The following ADK variants were observed in gnomAD, a reference collection of about 807,000 sequenced individuals.
ADK encodes N6,N6-dimethyladenosine kinase.
In ADK, 24 loss-of-function variants were observed where a neutral mutation model predicts 44.7. The ratio of observed to expected loss-of-function variants is 0.54; its 90% CI spans 0.39 to 0.76. ADK has a LOEUF of 0.76. Among genes scored for constraint, ADK ranks in the 30% least tolerant of loss-of-function variants. The pLI, the probability that ADK is intolerant of heterozygous loss-of-function variation, is 0.00. For synonymous variants in ADK, 128 were observed against 142.6 expected, an observed-to-expected ratio of 0.90 and a Z score of 0.73; for missense variants, 321 against 425.1, an observed-to-expected ratio of 0.76 and a Z score of 2.15.
intron 9 of ADK, among the ~76,000 whole-genome samples, chr10:74,610,858 A>C (rs1299052478): frequency 1.3e-5 from 2 of 152,106 alleles, no homozygotes; most frequent in African/African-American, 4.8e-5. Flanking sequence ...AAGTAAATAT[A>C]TATATGTATG....
chr10:74,240,029 C>G (rs1845141949), intron 3 of ADK, among the ~76,000 whole-genome samples: 1 of 145,540 alleles, frequency 6.9e-6, no homozygotes, highest in Non-Finnish European at 1.5e-5. Flanking sequence ...TTTTTTTTTC[C>G]TCTAAGACAG....
chr10:74,708,159 A>C (rs940131723), intron 10 of ADK, among the ~76,000 whole-genome samples, 162 bp from the exon 11 acceptor site: 2 of 150,874 alleles, frequency 1.3e-5, no homozygotes, highest in Non-Finnish European at 3.0e-5. Context: ...CGGGGAAAAA[A>C]AAAAAAAAAA....
intron 4 of ADK, among the ~76,000 whole-genome samples, chr10:74,387,006 G>T (rs942742866): frequency 3.3e-5 from 5 of 150,654 alleles, no homozygotes; most frequent in Admixed American, 3.3e-4. Flanking sequence ...GCGGGATCTT[G>T]GCTCACTGCA....
chr10:74,380,706 C>T (rs1842954273), intron 4 of ADK, among the ~76,000 whole-genome samples: 1 of 151,936 alleles, frequency 6.6e-6, no homozygotes, highest in Non-Finnish European at 1.5e-5. Context: ...TGCAGTGAAT[C>T]GAGATCGTGC....
At chr10:74,406,775 G>T (rs897087001) in intron 6 of ADK, among the ~76,000 whole-genome samples, 1 of 151,444 alleles carries the variant, frequency 6.6e-6, no homozygotes, top group Non-Finnish European at 1.5e-5. Context: ...CCGCCTCCTG[G>T]GTTCAAGTGA....
At chr10:74,461,199 T>A (rs1846162496) in intron 6 of ADK, among the ~76,000 whole-genome samples, 1 of 152,116 alleles carries the variant, frequency 6.6e-6, no homozygotes, top group Non-Finnish European at 1.5e-5. Context: ...TTGGTTCAGC[T>A]GCTAGACATT....
intron 4 of ADK, among the ~76,000 whole-genome samples, chr10:74,348,033 C>T (rs377229814): frequency 1.1e-4 from 17 of 152,272 alleles, no homozygotes; most frequent in African/African-American, 4.1e-4. Flanking sequence ...CTGAAGAGAA[C>T]AGCTGATACT....
intron 3 of ADK, among the ~76,000 whole-genome samples, chr10:74,294,657 A>T (rs1233311655): frequency 6.6e-6 from 1 of 152,224 alleles, no homozygotes; most frequent in African/African-American, 2.4e-5. Flanking sequence ...ATCTTCAGAC[A>T]AACAACTGTT....
At chr10:74,525,800 G>A (rs556603933) in intron 7 of ADK, among the ~76,000 whole-genome samples, 29 of 151,982 alleles carry the variant, frequency 1.9e-4, no homozygotes, top group Non-Finnish European at 2.8e-4. Context: ...GGTTATAGGC[G>A]CATGCCACCA....
chr10:74,499,612 C>T (rs374150894), intron 6 of ADK, among the ~76,000 whole-genome samples: 16 of 151,910 alleles, frequency 1.1e-4, no homozygotes, highest in African/African-American at 2.9e-4. Flanking sequence ...GGCGTGAACC[C>T]GGGAGGCGGA....
intron 1 of ADK, among the ~76,000 whole-genome samples, chr10:74,173,091 TTTTTTTTTTC>T (rs2132059294): frequency 6.6e-6 from 1 of 152,004 alleles, no homozygotes; most frequent in Non-Finnish European, 1.5e-5. Context: ...AAAATTAGTT[TTTTTTTTTTC>T]TTTTTTTTTG....
chr10:74,646,287 A>G (rs1854050764), intron 9 of ADK, among the ~76,000 whole-genome samples: 1 of 152,214 alleles, frequency 6.6e-6, no homozygotes, highest in African/African-American at 2.4e-5. Flanking sequence ...TTCTTCAGTC[A>G]CTTTGGGGAT....
At chr10:74,220,138 A>G (rs1338377832) in intron 2 of ADK, among the ~76,000 whole-genome samples, 1 of 152,156 alleles carries the variant, frequency 6.6e-6, no homozygotes, top group Non-Finnish European at 1.5e-5. Context: ...CTAATAAAGA[A>G]AAAAAGAAAG....
chr10:74,302,101 G>GTTTTTTTTTTTTTTTT lies in ADK; in HGVS notation c.195-12563_195-12562insTTTTTTTTTTTTTTTT, dbSNP rs1564642239. Reference sequence around the variant, plus strand: ...TTCTTTTCTTTTCTGTTTTTTTTTTGTTTGTTTGTTTTTTTTTTTTTTTTT... The same window carrying GTTTTTTTTTTTTTTTT: ...TTCTTTTCTTTTCTGTTTTTTTTTTGTTTTTTTTTTTTTTTTTTTGTTTGTTTTTTTTTTTTTTTTT... On this transcript the variant is annotated intron_variant, in intron 3 of 10. Coordinates refer to ENST00000539909, the MANE Select transcript of ADK (RefSeq NM_006721.4). Among the ~76,000 whole-genome samples, 7 of 11,704 alleles carry GTTTTTTTTTTTTTTTT rather than the reference G, an allele frequency of 6.0e-4. 1 individual carries two copies. Among genetic ancestry groups the GTTTTTTTTTTTTTTTT allele is most frequent in the African/African-American group, 2.0e-3 (7 of 3,542 alleles). The allele number at this position is 11,704 out of a possible 152,430, so 7.7% of individuals were successfully genotyped here. A position where few individuals can be genotyped will look rare whatever the true frequency, so the allele number is the denominator to read the frequency against.
chr10:74,215,721 A>AGT, intron 2 of ADK, among the ~76,000 whole-genome samples: 1 of 142,882 alleles, frequency 7.0e-6, no homozygotes, highest in South Asian at 2.2e-4. Flanking sequence ...GCTAGAGTGC[A>AGT]GTGGCTCGAT....
At chr10:74,407,017 C>T (rs1224759466) in intron 6 of ADK, among the ~76,000 whole-genome samples, 1 of 146,556 alleles carries the variant, frequency 6.8e-6, no homozygotes, top group Non-Finnish European at 1.5e-5. Flanking sequence ...AGTTCTCGTT[C>T]CGTCGCCCAA....
intron 1 of ADK, among the ~76,000 whole-genome samples, chr10:74,157,159 A>C (rs1400434814): frequency 6.6e-6 from 1 of 152,190 alleles, no homozygotes; most frequent in Non-Finnish European, 1.5e-5. Context: ...TTTCCCCACT[A>C]TCAGCTAGTA....
intron 3 of ADK, among the ~76,000 whole-genome samples, chr10:74,248,085 G>A (rs745955106): frequency 2.6e-5 from 4 of 152,212 alleles, no homozygotes; most frequent in South Asian, 2.1e-4. Context: ...AAGAAACTGC[G>A]TAATTTTAAT....
chr10:74,375,647 C>T (rs1248248522), intron 4 of ADK, among the ~76,000 whole-genome samples: 1 of 151,838 alleles, frequency 6.6e-6, no homozygotes, highest in Non-Finnish European at 1.5e-5. Context: ...ATGGCAAGAG[C>T]CATTTTTTTT....
Sources: gnomAD v4.1 joint callset for allele counts (sites outside exome capture counted in the v4.1 genomes callset) on GRCh38, gnomAD v4.1.1 for gene constraint, MANE v1.5 for transcripts, NCBI Gene and HGNC (gene_info 2026-07-23, HGNC 2026-07-21) for gene names.